The following DOCK3 variants were observed in gnomAD, a reference collection of about 807,000 sequenced individuals.
DOCK3 encodes the protein dedicator of cytokinesis 3.
DOCK3 carries 60 observed loss-of-function variants against 265.6 expected under a neutral mutation model. That is an observed-to-expected ratio of 0.23 (90% CI 0.18 to 0.28). The LOEUF is 0.28. Among genes scored for constraint, DOCK3 ranks in the 10% least tolerant of loss-of-function variants. The pLI, the probability that DOCK3 is intolerant of heterozygous loss-of-function variation, is 1.00. For synonymous variants in DOCK3, 881 were observed against 938.0 expected (o/e 0.94, Z 1.11); for missense variants, 1,981 against 2,594.3 (o/e 0.76, Z 5.14).
chr3:50,971,203 T>C (rs913779076), intron 5 of DOCK3, among the ~76,000 whole-genome samples: 1 of 151,640 alleles, frequency 6.6e-6, no homozygotes, highest in Non-Finnish European at 1.5e-5. Flanking sequence ...GTTAGTATGA[T>C]CTATTGCTGA....
Position 51,061,184 on chromosome 3 carries a change from C to A in DOCK3, c.316-3264C>A, listed in dbSNP as rs1327802542. On this transcript the variant is annotated intron_variant, in intron 5 of 52. Coordinates refer to ENST00000266037, the MANE Select transcript of DOCK3 (RefSeq NM_004947.5). ...CCTCAGGGATCTAGAACTTGAAATA[C>A]CATTTGACCCAGCCATCCCATTACT... Among the ~76,000 whole-genome samples the A allele has an allele frequency of 2.0e-5, 3 of 152,266 alleles. No homozygotes were observed. The East Asian group carries it at 5.8e-4, about 29-fold the overall frequency.
intron 23 of DOCK3, among the ~76,000 whole-genome samples, chr3:51,263,117 G>C (rs966709193): frequency 1.3e-5 from 2 of 152,112 alleles, no homozygotes; most frequent in Non-Finnish European, 2.9e-5. Flanking sequence ...ACACATAATC[G>C]TCAGAATCAC....
At chr3:50,710,396 A>G (rs933373466) in intron 1 of DOCK3, among the ~76,000 whole-genome samples, 1 of 152,252 alleles carries the variant, frequency 6.6e-6, no homozygotes, top group Non-Finnish European at 1.5e-5. Flanking sequence ...ACAAATGGCC[A>G]ACAAACATAT....
chr3:51,336,332 GT>G (rs904172714), intron 35 of DOCK3, among the ~76,000 whole-genome samples: 2 of 148,546 alleles, frequency 1.3e-5, no homozygotes, highest in African/African-American at 2.5e-5. Context: ...CCCTAGAAGG[GT>G]TTTTTTGTTT....
At chr3:50,981,337 T>C (rs1458107813) in intron 5 of DOCK3, among the ~76,000 whole-genome samples, 4 of 152,222 alleles carry the variant, frequency 2.6e-5, no homozygotes, top group African/African-American at 9.6e-5. Flanking sequence ...ATGATTTCAA[T>C]TTTTAAAATT....
In DOCK3 at chr3:50,930,894, C is replaced by T. The variant is rs182350257; in HGVS notation, c.219-3087C>T. ...GGCACCACTCTCACTTCCCCCGAAG[C>T]GTGGCCCCAAGCACTGCCTCCTCCC... On this transcript the variant is annotated intron_variant, in intron 4 of 52. Coordinates refer to ENST00000266037, the MANE Select transcript of DOCK3 (RefSeq NM_004947.5). Among the ~76,000 whole-genome samples the T allele has an allele frequency of 1.3e-4, 20 of 152,316 alleles. No individual in the cohort carries two copies. In the East Asian group the frequency reaches 2.5e-3, roughly 19 times the overall value.
chr3:51,249,228 C>T (rs1353936671), intron 22 of DOCK3, among the ~76,000 whole-genome samples: 5 of 138,568 alleles, frequency 3.6e-5, no homozygotes, highest in African/African-American at 8.3e-5. Context: ...CCCGGCCAGC[C>T]GCCCTGTCCG....
intron 26 of DOCK3, 196 bp downstream of exon 26, chr3:51,277,950 G>A: frequency 1.0e-6 from 1 of 985,294 alleles, no homozygotes; most frequent in Non-Finnish European, 1.2e-6. Context: ...ACATTCCCAG[G>A]ACTCTTCTTT....
At chr3:51,039,105 C>T (rs1317695352) in intron 5 of DOCK3, among the ~76,000 whole-genome samples, 1 of 151,968 alleles carries the variant, frequency 6.6e-6, no homozygotes, top group Non-Finnish European at 1.5e-5. Flanking sequence ...AAGGGGTTAT[C>T]CTGCCTCAGC....
At chr3:51,056,189 C>T (rs914373480) in intron 5 of DOCK3, among the ~76,000 whole-genome samples, 7 of 152,020 alleles carry the variant, frequency 4.6e-5, no homozygotes, top group Admixed American at 1.3e-4. Context: ...CTATGTTGTT[C>T]GGCAAACTAA....
intron 1 of DOCK3, among the ~76,000 whole-genome samples, chr3:50,737,412 G>A (rs1463160883): frequency 6.6e-6 from 1 of 152,076 alleles, no homozygotes; most frequent in East Asian, 1.9e-4. Context: ...CCAAGAAGAT[G>A]GTGCTAAACT....
At chr3:51,016,609 T>TA (rs1491394692) in intron 5 of DOCK3, among the ~76,000 whole-genome samples, 3 of 66,380 alleles carry the variant, frequency 4.5e-5, no homozygotes, top group African/African-American at 1.8e-4. Flanking sequence ...GATATATATA[T>TA]TATATATTTA....
intron 1 of DOCK3, among the ~76,000 whole-genome samples, chr3:50,737,272 T>C (rs1049375481): frequency 6.6e-6 from 1 of 152,214 alleles, no homozygotes; most frequent in African/African-American, 2.4e-5. Flanking sequence ...ATGAAGCCCT[T>C]GCCCATGCCT....
chr3:50,844,433 C>T (rs536870290), intron 3 of DOCK3, among the ~76,000 whole-genome samples: 93 of 152,026 alleles, frequency 6.1e-4, no homozygotes, highest in African/African-American at 1.9e-3. Flanking sequence ...GTTACCCAGG[C>T]GGGTCTCGAA....
intron 21 of DOCK3, among the ~76,000 whole-genome samples, chr3:51,241,165 AT>A (rs2078595544): frequency 6.6e-6 from 1 of 152,030 alleles, no homozygotes; most frequent in East Asian, 1.9e-4. Flanking sequence ...AAAGGATCTT[AT>A]TTCTCCTTCG....
Position 51,381,468 on chromosome 3 carries a change from G to A in DOCK3, c.6002G>A (p.Arg2001Gln), listed in dbSNP as rs766138853. 7 of 1,596,214 alleles carry A rather than the reference G, an allele frequency of 4.4e-6. No homozygotes were observed. The highest frequency in any genetic ancestry group is 2.2e-5 in the South Asian group (2 of 89,224). Reference sequence around the variant, plus strand: ...CTGCGTGAAGAGACTGAGAGGCCTCGAGGCCTGCACCGCAAGGCTCCATTG... The same window carrying A: ...CTGCGTGAAGAGACTGAGAGGCCTCAAGGCCTGCACCGCAAGGCTCCATTG... ...VLLREETERP[R>Q]GLHRKAPLPP... The change falls in exon 53 of 53, where the codon CGA becomes CAA. Residue 2001 changes from arginine to glutamine, a missense_variant. This residue lies in a region of DOCK3 where 149 missense variants were observed against 144.7 expected (regional missense o/e 1.03). Coordinates refer to ENST00000266037, the MANE Select transcript of DOCK3 (RefSeq NM_004947.5). This position sits in a 1 kb window ranked among gnomAD's most constrained non-coding sequence, Gnocchi z 5.6.
chr3:51,275,624 C>A (rs1360776291), intron 25 of DOCK3, among the ~76,000 whole-genome samples: 1 of 152,108 alleles, frequency 6.6e-6, no homozygotes, highest in African/African-American at 2.4e-5. Flanking sequence ...CTTGATTCCA[C>A]CCATATGGCG....
chr3:50,920,802 G>A (rs1013122084), intron 4 of DOCK3, among the ~76,000 whole-genome samples: 8 of 152,160 alleles, frequency 5.3e-5, no homozygotes, highest in Admixed American at 1.3e-4. Flanking sequence ...TTTTGAATGC[G>A]TTTGCTCTTG....
chr3:51,251,979 G>A (rs987634192), intron 22 of DOCK3, among the ~76,000 whole-genome samples: 2 of 152,168 alleles, frequency 1.3e-5, no homozygotes, highest in Non-Finnish European at 2.9e-5. Context: ...TTCTTCTAGG[G>A]TTTTTATGGT....
Sources: allele counts gnomAD v4.1 joint callset (sites outside exome capture counted in the v4.1 genomes callset), GRCh38; gene constraint gnomAD v4.1.1; regional missense constraint gnomAD v4.1.1; non-coding constraint Gnocchi (gnomAD v3.1); transcripts MANE v1.5; gene names NCBI Gene and HGNC (gene_info 2026-07-23, HGNC 2026-07-21).